CABIN1: variants seen among roughly 807,000 people sequenced by gnomAD.
CABIN1 encodes the protein calcineurin binding protein 1, also known as calcineurin-binding protein cabin-1.
CABIN1 carries 133 observed loss-of-function variants against 227.7 expected under a neutral mutation model. That is an observed-to-expected ratio of 0.58 (90% CI 0.51 to 0.67). CABIN1 has a LOEUF of 0.67. CABIN1 is among the 30% of genes least tolerant of loss of function. CABIN1 has a pLI of 0.00. For missense variants in CABIN1, 2,408 were observed against 2,852.5 expected (o/e 0.84, Z 3.55); for synonymous variants, 1,086 against 1,155.1 (o/e 0.94, Z 1.21).
At chr22:24,093,243 G>T (rs949597045) in intron 24 of CABIN1, among the ~76,000 whole-genome samples, 1 of 152,198 alleles carries the variant, frequency 6.6e-6, no homozygotes, top group Admixed American at 6.5e-5. Flanking sequence ...TGCTAATTTT[G>T]TGAGCAAACA....
chr22:24,012,120 G>C (rs1156880224), intron 1 of CABIN1, among the ~76,000 whole-genome samples: 3 of 152,164 alleles, frequency 2.0e-5, no homozygotes. Flanking sequence ...TTGTTATATT[G>C]TAAGTATAAT....
intron 28 of CABIN1, 95 bp downstream of exon 28, chr22:24,119,793 C>T (rs1419197354): frequency 5.0e-6 from 6 of 1,197,704 alleles, no homozygotes; most frequent in Admixed American, 1.7e-5. Context: ...ATTGGAGCTT[C>T]ACGGTAGCAG....
At chr22:24,042,879 T>TGTGTGA in intron 5 of CABIN1, 25 bp from the exon 6 acceptor site, 1 of 1,450,348 alleles carries the variant, frequency 6.9e-7, no homozygotes, top group Non-Finnish European at 9.5e-7. Flanking sequence ...TGTGTGTGTT[T>TGTGTGA]GCCCTCTGCT....
chr22:24,110,881 T>TTTTA (rs1222581558), intron 26 of CABIN1, among the ~76,000 whole-genome samples: 1 of 151,680 alleles, frequency 6.6e-6, no homozygotes, highest in African/African-American at 2.4e-5. Context: ...TTTTTTTTTT[T>TTTTA]AAATGTGTGT....
intron 28 of CABIN1, among the ~76,000 whole-genome samples, chr22:24,127,352 G>C (rs1267208058): frequency 6.6e-6 from 1 of 152,184 alleles, no homozygotes; most frequent in Non-Finnish European, 1.5e-5. Flanking sequence ...TGAGTGCTCT[G>C]ATCAAATTCC....
Position 24,059,971 on chromosome 22 carries a change from G to A in CABIN1, c.1447G>A (p.Gly483Ser), listed in dbSNP as rs1224328500. 1 of 1,614,102 alleles carries A rather than the reference G, an allele frequency of 6.2e-7. No homozygotes were observed. The highest frequency in any genetic ancestry group is 1.3e-5 in the African/African-American group (1 of 74,914). Residue 483 changes from glycine (G) to serine (S), a missense_variant, in exon 12 of 37, where the codon GGC becomes AGC. Gly to Ser is a moderately conservative substitution (Grantham distance 56, BLOSUM62 0). Coordinates refer to ENST00000263119, the MANE Select transcript of CABIN1 (RefSeq NM_012295.4). ...CCTGCTGGAGAACCTAACCAACGGG[G>A]GCATCCTGGAGCTGATGATGCGCTA... is the stretch of plus-strand genomic sequence containing the variant. ...EFLLENLTNG[G>S]ILELMMRYLK...
intron 1 of CABIN1, among the ~76,000 whole-genome samples, chr22:24,028,705 A>C (rs575413199): frequency 6.6e-6 from 1 of 152,060 alleles, no homozygotes; most frequent in East Asian, 1.9e-4. Context: ...CACAGGAAGC[A>C]CTTTGTTTTC....
intron 26 of CABIN1, among the ~76,000 whole-genome samples, chr22:24,099,741 G>A (rs1432156689): frequency 6.6e-6 from 1 of 152,244 alleles, no homozygotes; most frequent in African/African-American, 2.4e-5. Flanking sequence ...GGAGAGGAAT[G>A]CCTTTCCTGG....
intron 19 of CABIN1, among the ~76,000 whole-genome samples, chr22:24,077,927 G>T (rs2040551464): frequency 6.6e-6 from 1 of 152,164 alleles, no homozygotes; most frequent in Admixed American, 6.5e-5. Context: ...ATCTGCTAAT[G>T]AATTTGAGGG....
intron 28 of CABIN1, 109 bp from the exon 29 acceptor site, chr22:24,134,193 G>A (rs2044247051): frequency 2.7e-6 from 2 of 737,128 alleles, no homozygotes; most frequent in African/African-American, 1.7e-5. Context: ...AGGAACTGCT[G>A]CTCATCGTGG....
At chr22:24,021,018 G>A (rs1199628309) in intron 1 of CABIN1, among the ~76,000 whole-genome samples, 1 of 142,136 alleles carries the variant, frequency 7.0e-6, no homozygotes, top group Admixed American at 7.0e-5. Context: ...TTTTTTTTTT[G>A]AGACAGGGTC....
rs765080146 is a variant in CABIN1 at position 24,072,366 on chromosome 22, A to G, written c.2488A>G (p.Ser830Gly). 2 of 1,614,192 alleles carry G rather than the reference A, an allele frequency of 1.2e-6. No homozygotes were observed. The highest frequency in any genetic ancestry group is 8.5e-7 in the Non-Finnish European group (1 of 1,180,026). Residue 830 changes from serine (S) to glycine (G), a missense_variant, in exon 18 of 37, where the codon AGC becomes GGC. Physicochemically the swap from Ser to Gly is moderately conservative, Grantham distance 56. Transcript: ENST00000263119. ...CCCGCACTGTCAGGTCATTGACTGCAGCATGGCTGTGCAGGAGGAGGCCAA... is the reference window on the plus strand; with the variant it reads ...CCCGCACTGTCAGGTCATTGACTGCGGCATGGCTGTGCAGGAGGAGGCCAA... ...TNNLIQVIDC[S>G]MAVQEEAKEP... is the part of the protein sequence containing the mutation.
intron 21 of CABIN1, 87 bp from the exon 22 acceptor site, chr22:24,084,919 G>A: frequency 2.5e-6 from 4 of 1,576,478 alleles, no homozygotes; most frequent in Non-Finnish European, 3.5e-6. Context: ...TGGAGAGTCT[G>A]TCCTGTGACT....
At chr22:24,080,848 T>C (rs529389498) in intron 19 of CABIN1, among the ~76,000 whole-genome samples, 174 of 152,334 alleles carry the variant, frequency 1.1e-3, no homozygotes, top group Non-Finnish European at 2.3e-3. Flanking sequence ...TTGAATTTTC[T>C]ATGTAGACAG....
chr22:24,172,581 CAGAG>C (rs1042962359), intron 34 of CABIN1, among the ~76,000 whole-genome samples: 1 of 152,188 alleles, frequency 6.6e-6, no homozygotes, highest in Admixed American at 6.5e-5. Flanking sequence ...TGAAGGAAAA[CAGAG>C]AGGACAAAGG....
intron 29 of CABIN1, among the ~76,000 whole-genome samples, chr22:24,154,012 T>G (rs1171123069): frequency 6.6e-6 from 1 of 152,176 alleles, no homozygotes; most frequent in Non-Finnish European, 1.5e-5. Flanking sequence ...AGAGAGCACC[T>G]ATCCACTCTA....
chr22:24,178,365 G>A lies in CABIN1; in HGVS notation c.*169G>A. The A allele has an allele frequency of 1.2e-6, 1 of 801,554 alleles. No homozygotes were observed. The highest frequency in any genetic ancestry group is 2.0e-6 in the Non-Finnish European group (1 of 509,680). The allele number at this position is 801,554 out of a possible 1,614,324, so 49.7% of individuals were successfully genotyped here. ...TGGCATCCTCCCTGTACCCAGGTCA[G>A]GCTGTCCACACCACATGGGAGCCCA... On this transcript the variant is annotated 3_prime_UTR_variant, in exon 37 of 37. Transcript: ENST00000263119.
intron 1 of CABIN1, among the ~76,000 whole-genome samples, chr22:24,026,036 T>A (rs998730637): frequency 1.3e-5 from 2 of 152,142 alleles, no homozygotes; most frequent in Non-Finnish European, 2.9e-5. Flanking sequence ...AGGTTTTCAC[T>A]ATGTTGCCCA....
At chr22:24,050,789 A>G in intron 7 of CABIN1, 36 bp from the exon 8 acceptor site, 2 of 1,613,866 alleles carry the variant, frequency 1.2e-6, no homozygotes, top group South Asian at 1.1e-5. Flanking sequence ...TTTAGTTTGT[A>G]ACATGATAAT....
Sources: gnomAD v4.1 joint callset for allele counts (sites outside exome capture counted in the v4.1 genomes callset) on GRCh38, gnomAD v4.1.1 for gene constraint, MANE v1.5 for transcripts, NCBI Gene and HGNC (gene_info 2026-07-23, HGNC 2026-07-21) for gene names.